The following TAF4B variants were observed in gnomAD, a reference collection of about 807,000 sequenced individuals.
The protein encoded by TAF4B is transcription initiation factor TFIID subunit 4B.
TAF4B carries 38 observed loss-of-function variants against 86.4 expected under a neutral mutation model. The ratio of observed to expected loss-of-function variants is 0.44; its 90% confidence interval spans 0.34 to 0.58. The LOEUF (loss-of-function observed/expected upper bound fraction) is 0.58, where lower values mean the gene tolerates loss of function less well. Among genes scored for constraint, TAF4B ranks in the 20% least tolerant of loss-of-function variants. The pLI is 0.02. For synonymous variants in TAF4B, 388 were observed against 391.2 expected (o/e 0.99, Z 0.10); for missense variants, 988 against 1,027.6 (o/e 0.96, Z 0.53).
chr18:26,293,966 A>T (rs374950932), intron 9 of TAF4B, among the ~76,000 whole-genome samples: 7 of 152,196 alleles, frequency 4.6e-5, no homozygotes, highest in Admixed American at 3.3e-4. Flanking sequence ...TGTCATTTGG[A>T]ATATTAGACG....
intron 5 of TAF4B, among the ~76,000 whole-genome samples, chr18:26,281,190 C>G (rs934819006): frequency 2.6e-5 from 4 of 152,102 alleles, no homozygotes; most frequent in African/African-American, 9.7e-5. Flanking sequence ...TCCTAGATAA[C>G]TGTGCTCACT....
chr18:26,289,051 G>A (rs1019590039), intron 7 of TAF4B, among the ~76,000 whole-genome samples: 1 of 152,274 alleles, frequency 6.6e-6, no homozygotes, highest in East Asian at 1.9e-4. Flanking sequence ...AAGACAGATT[G>A]TAATTTATTT....
At position 26,286,088 on chromosome 18, in the gene TAF4B, G is replaced by T. The variant is rs1202465569; in HGVS notation, c.1179G>T (p.Val393=). 3 of 1,614,198 alleles carry T rather than the reference G, an allele frequency of 1.9e-6. No individual in the cohort carries two copies. Among genetic ancestry groups the T allele is most frequent in the Non-Finnish European group, 2.5e-6 (3 of 1,180,022 alleles). The part of the protein sequence containing the change: ...SGATAPRTVS[V]QTLNPLAGPV... The stretch of plus-strand genomic sequence containing the variant: ...CAACAGCACCCAGAACTGTGTCAGT[G>T]CAAACTTTGAACCCACTTGCTGGTC... Residue 393 remains valine, a synonymous_variant, in exon 7 of 15, where the codon GTG becomes GTT. Coordinates refer to ENST00000269142, the MANE Select transcript of TAF4B (RefSeq NM_005640.3).
At chr18:26,313,050 A>G (rs2056868417) in intron 9 of TAF4B, among the ~76,000 whole-genome samples, 1 of 152,156 alleles carries the variant, frequency 6.6e-6, no homozygotes, top group African/African-American at 2.4e-5. Context: ...ATCTTTCCAA[A>G]AATATATTAT....
At chr18:26,297,137 A>T (rs1260279914) in intron 9 of TAF4B, among the ~76,000 whole-genome samples, 1 of 147,908 alleles carries the variant, frequency 6.8e-6, no homozygotes, top group African/African-American at 2.6e-5. Flanking sequence ...GTCTCATTAA[A>T]AAAAAAAAAA....
intron 12 of TAF4B, among the ~76,000 whole-genome samples, chr18:26,328,131 A>T: frequency 6.6e-6 from 1 of 152,152 alleles, no homozygotes; most frequent in East Asian, 1.9e-4. Context: ...GTTCCTAATC[A>T]CATAGCAATT....
chr18:26,380,092 C>A (rs901503952), intron 14 of TAF4B, among the ~76,000 whole-genome samples: 1 of 151,990 alleles, frequency 6.6e-6, no homozygotes, highest in African/African-American at 2.4e-5. Context: ...TCATGCTGGC[C>A]ACAAATAAAA....
intron 1 of TAF4B, among the ~76,000 whole-genome samples, chr18:26,236,823 T>C (rs1421874906): frequency 6.6e-6 from 1 of 152,206 alleles, no homozygotes; most frequent in African/African-American, 2.4e-5. Context: ...CTCCAGATTT[T>C]GTTCAGGGCC....
intron 1 of TAF4B, among the ~76,000 whole-genome samples, chr18:26,259,871 A>G (rs1478662080): frequency 6.6e-6 from 1 of 152,194 alleles, no homozygotes; most frequent in Non-Finnish European, 1.5e-5. Flanking sequence ...TGTCTTCCAC[A>G]ATGGTTGAAT....
chr18:26,265,270 A>G lies in TAF4B; in HGVS notation c.444A>G (p.Pro148=). 1 of 1,614,172 alleles carries G rather than the reference A, an allele frequency of 6.2e-7. No individual in the cohort carries two copies. The highest frequency in any genetic ancestry group is 8.5e-7 in the Non-Finnish European group (1 of 1,180,036). Residue 148 remains proline (P), a synonymous_variant, in exon 2 of 15, where the codon CCA becomes CCG. Coordinates refer to ENST00000269142, the MANE Select transcript of TAF4B (RefSeq NM_005640.3). ...CCACAAGTAACATAACCTCAAGGCC[A>G]GCAGTACCAGCGAATCCTCAAACAG... ...AETTSNITSR[P]AVPANPQTVK...
chr18:26,347,320 A>G (rs116009603), intron 13 of TAF4B, among the ~76,000 whole-genome samples: 160 of 152,242 alleles, frequency 1.1e-3, no homozygotes, highest in African/African-American at 3.5e-3. Context: ...CCATTAGACA[A>G]GGCCTACAAG....
intron 13 of TAF4B, among the ~76,000 whole-genome samples, chr18:26,347,453 A>G (rs951168978): frequency 1.3e-5 from 2 of 152,162 alleles, no homozygotes; most frequent in Non-Finnish European, 2.9e-5. Flanking sequence ...AAGGAATCAA[A>G]CAAATTTTTC....
chr18:26,256,316 C>G lies in TAF4B; in HGVS notation c.344-8854C>G, dbSNP rs2035060359. ...ACTTAGCTCTGCAAATACAGCAGCC[C>G]TCTATACTTCGGTACATCTTTGGCG... On this transcript the variant is annotated intron_variant, in intron 1 of 14. Coordinates refer to ENST00000269142, the MANE Select transcript of TAF4B (RefSeq NM_005640.3). The G allele has an allele frequency of 2.1e-6, 3 of 1,452,534 alleles. No individual in the cohort carries two copies. The South Asian group carries it at 3.4e-5, about 17-fold the overall frequency. The allele number at this position is 1,452,534 out of a possible 1,614,324, so 90.0% of individuals were successfully genotyped here. A position where few individuals can be genotyped will look rare whatever the true frequency, so the allele number is the denominator to read the frequency against.
chr18:26,241,475 T>G (rs997614541), intron 1 of TAF4B, among the ~76,000 whole-genome samples: 11 of 152,208 alleles, frequency 7.2e-5, no homozygotes, highest in Non-Finnish European at 1.2e-4. Context: ...TCTTCTCTCT[T>G]TTCTTCTTTA....
intron 12 of TAF4B, among the ~76,000 whole-genome samples, chr18:26,327,613 C>A (rs534257734): frequency 6.7e-6 from 1 of 150,066 alleles, no homozygotes; most frequent in Admixed American, 6.6e-5. Context: ...CACTGTCACC[C>A]AGGCTGGAAT....
rs181223691 is a variant in TAF4B, at chr18:26,314,428, C to T, written c.1833-801C>T. On this transcript the variant is annotated intron_variant, in intron 9 of 14. Transcript: ENST00000269142. Reference sequence around the variant, plus strand: ...AAACAACTGTTTAATTTTGCTGATACAAAGCAAGGAGCCCAGACATCTTTT... The same window carrying T: ...AAACAACTGTTTAATTTTGCTGATATAAAGCAAGGAGCCCAGACATCTTTT... Among the ~76,000 whole-genome samples, 777 of 148,586 alleles carry T rather than the reference C, an allele frequency of 5.2e-3. 5 individuals are homozygous for T. Among genetic ancestry groups the T allele is most frequent in the Non-Finnish European group, 9.2e-3 (606 of 65,958 alleles).
chr18:26,334,560 C>G (rs1258725060), intron 12 of TAF4B, among the ~76,000 whole-genome samples: 1 of 152,092 alleles, frequency 6.6e-6, no homozygotes, highest in Non-Finnish European at 1.5e-5. Flanking sequence ...TATGCCAGTT[C>G]TGTATTATGG....
chr18:26,306,757 A>G (rs1285334279), intron 9 of TAF4B, among the ~76,000 whole-genome samples: 1 of 151,240 alleles, frequency 6.6e-6, no homozygotes, highest in Non-Finnish European at 1.5e-5. Flanking sequence ...TACTTACATC[A>G]CTTCAGTTAT....
chr18:26,249,331 A>G (rs561527147), intron 1 of TAF4B, among the ~76,000 whole-genome samples: 3 of 152,306 alleles, frequency 2.0e-5, no homozygotes, highest in East Asian at 3.9e-4. Context: ...ATACACAAAA[A>G]TTAGCCAGGG....
Sources: allele counts gnomAD v4.1 joint callset (sites outside exome capture counted in the v4.1 genomes callset), GRCh38; gene constraint gnomAD v4.1.1; transcripts MANE v1.5; gene names NCBI Gene and HGNC (gene_info 2026-07-23, HGNC 2026-07-21).